The following DDX60 variants were observed in gnomAD, a reference collection of about 807,000 sequenced individuals.
DDX60 encodes DExD/H-box helicase 60.
Under a neutral mutation model 212.8 loss-of-function variants are expected in DDX60, and 165 were observed. The ratio of observed to expected loss-of-function variants is 0.78; its 90% CI spans 0.68 to 0.88. The LOEUF (loss-of-function observed/expected upper bound fraction) is 0.88. Among genes scored for constraint, DDX60 ranks in the 40% least tolerant of loss-of-function variants. The pLI is 0.00. For synonymous variants in DDX60, 703 were observed against 685.3 expected (o/e 1.03, Z -0.40); for missense variants, 1,905 against 2,003.9 (o/e 0.95, Z 0.94).
chr4:168,231,212 T>G (rs550034851), intron 33 of DDX60, among the ~76,000 whole-genome samples: 94 of 151,932 alleles, frequency 6.2e-4, no homozygotes, highest in African/African-American at 2.2e-3. Context: ...ATGGTATATA[T>G]TTTTTAAATG....
At chr4:168,280,724 C>A (rs1560853657) in intron 13 of DDX60, 134 bp from the exon 14 acceptor site, 2 of 1,034,548 alleles carry the variant, frequency 1.9e-6, no homozygotes, top group East Asian at 2.7e-5. Context: ...TGAAAAATTT[C>A]TTTTTTTCTT....
intron 22 of DDX60, among the ~76,000 whole-genome samples, chr4:168,266,133 C>T (rs919942406): frequency 6.6e-6 from 1 of 152,124 alleles, no homozygotes; most frequent in Non-Finnish European, 1.5e-5. Context: ...TGTATCCTGG[C>T]CCCACCATTT....
chr4:168,311,128 G>A, intron 2 of DDX60, 61 bp from the exon 3 acceptor site: 1 of 1,410,084 alleles, frequency 7.1e-7, no homozygotes, highest in Non-Finnish European at 9.9e-7. Flanking sequence ...CCTTTTTACA[G>A]GAGCTATCAT....
chr4:168,230,628 C>T (rs1391176707), intron 33 of DDX60, among the ~76,000 whole-genome samples: 1 of 152,054 alleles, frequency 6.6e-6, no homozygotes, highest in Non-Finnish European at 1.5e-5. Flanking sequence ...CTTAAAAAGT[C>T]TTTGAATTGA....
rs1735289137 is a variant in DDX60 at position 168,275,396 on chromosome 4, C to T, written c.2253G>A (p.Glu751=). 1 of 1,612,336 alleles carries T rather than the reference C, an allele frequency of 6.2e-7. No homozygotes were observed. Among genetic ancestry groups the T allele is most frequent in the African/African-American group, 1.3e-5 (1 of 74,836 alleles). ...GGACCCTGGGATCTGGGTCTTTTCT[C>T]TCATCTCGTATCAAATAATGGCCCA... is the stretch of plus-strand genomic sequence containing the variant. The part of the protein sequence containing the change: ...QYMGHYLIRD[E]RKDPDPRVQD... The change falls in exon 16 of 38, where the codon GAG becomes GAA. Residue 751 remains glutamate, a synonymous_variant. Transcript: ENST00000393743.
At chr4:168,250,231 T>G (rs1406339350) in intron 28 of DDX60, among the ~76,000 whole-genome samples, 1 of 152,104 alleles carries the variant, frequency 6.6e-6, no homozygotes. Flanking sequence ...TAGGAAATAT[T>G]TTTATTCTCA....
chr4:168,280,348 G>A lies in DDX60; in HGVS notation c.1965C>T (p.Cys655=). Residue 655 remains cysteine, a synonymous_variant, in exon 14 of 38, where the codon TGC becomes TGT. Coordinates refer to ENST00000393743, the MANE Select transcript of DDX60 (RefSeq NM_017631.6). ...TACLKAWKEH[C]RSEEGKTTKD... The stretch of plus-strand genomic sequence containing the variant: ...AGAATTACATACCTTCTTCACTTCG[G>A]CAATGTTCTTTCCAGGCTTTCAAGC... The A allele has an allele frequency of 6.2e-7, 1 of 1,611,292 alleles. No individual in the cohort carries two copies. The highest frequency in any genetic ancestry group is 8.5e-7 in the Non-Finnish European group (1 of 1,178,864).
intron 3 of DDX60, 21 bp from the exon 4 acceptor site, chr4:168,308,216 A>T (rs1736975728): frequency 7.1e-7 from 1 of 1,411,792 alleles, no homozygotes; most frequent in Non-Finnish European, 9.8e-7. Flanking sequence ...AAACAGTTAA[A>T]ACAAAAATCA....
intron 33 of DDX60, among the ~76,000 whole-genome samples, chr4:168,234,712 C>T (rs1367211126): frequency 1.3e-5 from 2 of 152,026 alleles, no homozygotes; most frequent in Non-Finnish European, 2.9e-5. Context: ...CATGCTTACT[C>T]ACCATTTTAG....
At position 168,284,827 on chromosome 4, in the gene DDX60, C is replaced by A; in HGVS notation, c.1554G>T (p.Gln518His). ...LSDDYDRSRCQFDEKSRDPRV... is the reference protein window; with the variant it reads ...LSDDYDRSRCHFDEKSRDPRV... The stretch of plus-strand genomic sequence containing the variant: ...TGGAGTCACAGAGCTTACCATCAAA[C>A]TGACACCTGGACCTGTCATAATCAT... Residue 518 changes from glutamine (Q) to histidine (H), a missense_variant, in exon 12 of 38, where the codon CAG (glutamine) becomes CAT (histidine). Physicochemically the swap from Gln to His is conservative, Grantham distance 24. Coordinates refer to ENST00000393743, the MANE Select transcript of DDX60 (RefSeq NM_017631.6). 1 of 1,499,958 alleles carries A rather than the reference C, an allele frequency of 6.7e-7. No individual in the cohort carries two copies. 92.9% of individuals were successfully genotyped at this position (1,499,958 alleles called of 1,614,324 possible).
intron 28 of DDX60, among the ~76,000 whole-genome samples, chr4:168,248,627 A>G (rs142038236): frequency 2.8e-4 from 42 of 152,320 alleles, no homozygotes; most frequent in African/African-American, 9.9e-4. Flanking sequence ...CACATGATTT[A>G]TCTTCATAGC....
In DDX60 at chr4:168,255,784, C is replaced by T. The variant is rs1407066688; in HGVS notation, c.3484G>A (p.Ala1162Thr). ...KKQETKRPPKADKEAHVMANK... is the reference protein window; with the variant it reads ...KKQETKRPPKTDKEAHVMANK... Reference sequence around the variant, plus strand: ...GCCATGACATGGGCTTCTTTATCAGCTTTGGGAGGCCTTTTTGTCTCCTGC... The same window carrying T: ...GCCATGACATGGGCTTCTTTATCAGTTTTGGGAGGCCTTTTTGTCTCCTGC... The change falls in exon 26 of 38, where the codon GCT becomes ACT. Residue 1162 changes from alanine to threonine, a missense_variant. Coordinates refer to ENST00000393743, the MANE Select transcript of DDX60 (RefSeq NM_017631.6). 6.2e-7 allele frequency: 1 copy of T among 1,609,340 alleles called. No individual in the cohort carries two copies. The highest frequency in any genetic ancestry group is 2.2e-5 in the East Asian group (1 of 44,766).
In DDX60 at chr4:168,236,292, G is replaced by C; in HGVS notation, c.4493C>G (p.Pro1498Arg). 6.2e-7 allele frequency: 1 copy of C among 1,610,444 alleles called. No individual in the cohort carries two copies. Among genetic ancestry groups the C allele is most frequent in the Non-Finnish European group, 8.5e-7 (1 of 1,178,166 alleles). ...CTCGAAGTGTGCATCTTGGAACTTTGGTGGAAAATATCTTCTTCCAAAGAG... is the reference window on the plus strand; with the variant it reads ...CTCGAAGTGTGCATCTTGGAACTTTCGTGGAAAATATCTTCTTCCAAAGAG... ...AHLFGRRYFP[P>R]KFQDAHFEFY... The change falls in exon 33 of 38, where the codon CCA (proline) becomes CGA (arginine). Residue 1498 changes from proline (P) to arginine (R), a missense_variant. Pro to Arg is a moderately radical substitution (Grantham distance 103). Transcript: ENST00000393743.
intron 6 of DDX60, among the ~76,000 whole-genome samples, chr4:168,297,424 G>T (rs761721881): frequency 2.6e-5 from 4 of 151,130 alleles, no homozygotes; most frequent in Non-Finnish European, 5.9e-5. Context: ...AATTAATTCC[G>T]CAAAATAATC....
intron 33 of DDX60, among the ~76,000 whole-genome samples, chr4:168,232,957 T>C (rs1468641153): frequency 6.6e-6 from 1 of 151,708 alleles, no homozygotes; most frequent in African/African-American, 2.4e-5. Context: ...AAACTATCCA[T>C]CCAACAAAGG....
chr4:168,259,982 A>T (rs1313017091), intron 25 of DDX60, among the ~76,000 whole-genome samples: 1 of 152,154 alleles, frequency 6.6e-6, no homozygotes, highest in South Asian at 2.1e-4. Context: ...CTAAATAAAA[A>T]ATAATAGTTT....
intron 8 of DDX60, among the ~76,000 whole-genome samples, chr4:168,290,593 T>G: frequency 6.6e-6 from 1 of 152,034 alleles, no homozygotes; most frequent in East Asian, 1.9e-4. Flanking sequence ...CCTGACCTCA[T>G]GATCCACCTG....
intron 13 of DDX60, among the ~76,000 whole-genome samples, chr4:168,281,529 G>A (rs1046395260): frequency 5.9e-5 from 9 of 152,356 alleles, no homozygotes; most frequent in Admixed American, 3.3e-4. Context: ...AATAAGGAAA[G>A]AGGAAGAAGA....
rs528005265 is a variant in DDX60, at chr4:168,306,602, G to A, written c.383C>T (p.Ser128Leu). 1.2e-6 allele frequency: 2 copies of A among 1,614,074 alleles called. No individual in the cohort carries two copies. Among genetic ancestry groups the A allele is most frequent in the East Asian group, 4.5e-5 (2 of 44,872 alleles). ...DVRTTFSRCL[S>L]KEWGSFLEES... The stretch of plus-strand genomic sequence containing the variant: ...TTCCAAGAAACTTCCCCACTCTTTT[G>A]ATAAGCATCTCGAAAATGTTGTTCG... The change falls in exon 5 of 38, where the codon TCA becomes TTA. Residue 128 changes from serine (S) to leucine (L), a missense_variant. Coordinates refer to ENST00000393743, the MANE Select transcript of DDX60 (RefSeq NM_017631.6).
Sources: gnomAD v4.1 joint callset for allele counts (sites outside exome capture counted in the v4.1 genomes callset) on GRCh38, gnomAD v4.1.1 for gene constraint, MANE v1.5 for transcripts, NCBI Gene and HGNC (gene_info 2026-07-23, HGNC 2026-07-21) for gene names.